NDUFS4: variants seen among roughly 807,000 people sequenced by gnomAD.
NDUFS4 encodes NADH dehydrogenase [ubiquinone] iron-sulfur protein 4, mitochondrial.
NDUFS4 carries 28 observed loss-of-function variants against 24.3 expected under a neutral mutation model. That is an observed-to-expected ratio of 1.15 (90% confidence interval 0.85 to 1.58). The LOEUF (loss-of-function observed/expected upper bound fraction) is 1.58. Ranked by LOEUF, NDUFS4 falls within the 40% of genes most tolerant of loss-of-function variation. The pLI, the probability that NDUFS4 is intolerant of heterozygous loss-of-function variation, is 0.00. For missense variants in NDUFS4, 223 were observed against 207.9 expected, an observed-to-expected ratio of 1.07 and a Z score of -0.45; for synonymous variants, 93 against 69.7, an observed-to-expected ratio of 1.34 and a Z score of -1.67.
At chr5:53,650,775 C>T (rs1011483434) in intron 3 of NDUFS4, among the ~76,000 whole-genome samples, 15 of 152,100 alleles carry the variant, frequency 9.9e-5, no homozygotes, top group African/African-American at 3.1e-4. Flanking sequence ...GTCCTGGAAG[C>T]GCATTAGTGG....
At chr5:53,651,750 G>C (rs1752020896) in intron 3 of NDUFS4, among the ~76,000 whole-genome samples, 1 of 149,370 alleles carries the variant, frequency 6.7e-6, no homozygotes, top group Admixed American at 6.8e-5. Flanking sequence ...TCCTAATTTA[G>C]GGGATCTTGG....
At chr5:53,647,187 A>T (rs773436548) in intron 3 of NDUFS4, among the ~76,000 whole-genome samples, 3 of 151,688 alleles carry the variant, frequency 2.0e-5, no homozygotes, top group African/African-American at 7.3e-5. Flanking sequence ...ATTAATAATA[A>T]ATAATAATAA....
At chr5:53,654,542 G>A (rs1456783173) in intron 3 of NDUFS4, among the ~76,000 whole-genome samples, 3 of 151,272 alleles carry the variant, frequency 2.0e-5, no homozygotes, top group Admixed American at 6.6e-5. Context: ...TTTTCTCTAC[G>A]GTCTTCATTA....
At chr5:53,667,886 A>G (rs1335872892) in intron 4 of NDUFS4, among the ~76,000 whole-genome samples, 1 of 152,210 alleles carries the variant, frequency 6.6e-6, no homozygotes, top group Non-Finnish European at 1.5e-5. Context: ...TCCAAAAACT[A>G]TAGACTTAAG....
chr5:53,671,015 A>G (rs1377129523), intron 4 of NDUFS4, among the ~76,000 whole-genome samples: 1 of 151,768 alleles, frequency 6.6e-6, no homozygotes, highest in African/African-American at 2.4e-5. Context: ...TATACTCCAT[A>G]TAGTATACTC....
chr5:53,631,258 T>G (rs1029998235), intron 2 of NDUFS4, among the ~76,000 whole-genome samples: 52 of 152,176 alleles, frequency 3.4e-4, no homozygotes, highest in Non-Finnish European at 7.3e-4. Context: ...CTCTGGAAGC[T>G]TCGTCCCATA....
At chr5:53,630,905 G>A (rs977730672) in intron 2 of NDUFS4, among the ~76,000 whole-genome samples, 1 of 152,064 alleles carries the variant, frequency 6.6e-6, no homozygotes, top group Admixed American at 6.5e-5. Context: ...CTCATTCTCC[G>A]TCCAGTTTCC....
chr5:53,614,591 C>T (rs1322672401), intron 2 of NDUFS4, among the ~76,000 whole-genome samples: 3 of 151,932 alleles, frequency 2.0e-5, no homozygotes, highest in Non-Finnish European at 4.4e-5. Flanking sequence ...GTTTAAAGTT[C>T]TATGTACCAA....
intron 4 of NDUFS4, among the ~76,000 whole-genome samples, chr5:53,667,996 C>T (rs753808596): frequency 6.6e-6 from 1 of 152,166 alleles, no homozygotes; most frequent in Admixed American, 6.5e-5. Context: ...TTTGTTAATA[C>T]AGCTGATTCT....
chr5:53,565,771 C>G (rs1202110534), intron 1 of NDUFS4, among the ~76,000 whole-genome samples: 1 of 152,170 alleles, frequency 6.6e-6, no homozygotes, highest in Non-Finnish European at 1.5e-5. Context: ...TCAGACACTT[C>G]TTTTGTATTC....
At chr5:53,681,761 G>A (rs1443130368) in intron 4 of NDUFS4, among the ~76,000 whole-genome samples, 1 of 151,874 alleles carries the variant, frequency 6.6e-6, no homozygotes, top group Non-Finnish European at 1.5e-5. Flanking sequence ...CCAGCAGTTG[G>A]GAATGTAATA....
intron 2 of NDUFS4, among the ~76,000 whole-genome samples, chr5:53,642,279 A>G (rs975443626): frequency 4.6e-5 from 7 of 152,094 alleles, no homozygotes; most frequent in Admixed American, 1.3e-4. Flanking sequence ...GAGCAGCTGC[A>G]CTCCTTCAGT....
intron 1 of NDUFS4, among the ~76,000 whole-genome samples, chr5:53,581,034 T>C (rs1461942463): frequency 6.6e-6 from 1 of 152,100 alleles, no homozygotes; most frequent in Non-Finnish European, 1.5e-5. Context: ...GGTTTCTCCA[T>C]GTTGGTCTGG....
chr5:53,650,095 A>T (rs1030035598), intron 3 of NDUFS4, among the ~76,000 whole-genome samples: 3 of 152,142 alleles, frequency 2.0e-5, no homozygotes, highest in Non-Finnish European at 4.4e-5. Flanking sequence ...AATGTTAATG[A>T]TTACTGTTTT....
intron 2 of NDUFS4, among the ~76,000 whole-genome samples, chr5:53,635,827 A>G (rs910140717): frequency 2.0e-5 from 3 of 152,048 alleles, no homozygotes; most frequent in African/African-American, 4.8e-5. Flanking sequence ...GTTCTAATAG[A>G]TTTTTCTTAT....
chr5:53,600,750 A>G (rs1750286813), intron 1 of NDUFS4, among the ~76,000 whole-genome samples: 1 of 152,332 alleles, frequency 6.6e-6, no homozygotes. Flanking sequence ...CTTAGAGGGT[A>G]GTTTCTTATC....
At chr5:53,634,958 G>A (rs1751506359) in intron 2 of NDUFS4, among the ~76,000 whole-genome samples, 1 of 152,012 alleles carries the variant, frequency 6.6e-6, no homozygotes. Context: ...GGAGGCCGAG[G>A]CGGGTAAATC....
intron 2 of NDUFS4, chr5:53,604,739 CTG>C (rs1463480071): frequency 2.2e-6 from 1 of 456,232 alleles, no homozygotes; most frequent in Admixed American, 2.3e-5. Flanking sequence ...TCTTGTACCA[CTG>C]TGTTTTACAT....
chr5:53,664,724 C>A (rs568271445), intron 4 of NDUFS4, among the ~76,000 whole-genome samples: 1 of 151,966 alleles, frequency 6.6e-6, no homozygotes, highest in Non-Finnish European at 1.5e-5. Context: ...TTCTAGTTAG[C>A]CATTTGTCTA....
Sources: allele counts gnomAD v4.1 joint callset (sites outside exome capture counted in the v4.1 genomes callset), GRCh38; gene constraint gnomAD v4.1.1; transcripts MANE v1.5; gene names NCBI Gene and HGNC (gene_info 2026-07-23, HGNC 2026-07-21).